Variants in SCFD2 observed in about 807,000 individuals in gnomAD.
SCFD2 encodes sec1 family domain-containing protein 2.
A neutral mutation model predicts 58.9 loss-of-function variants in SCFD2; 54 were observed. The observed-to-expected ratio is 0.92, with a 90% CI of 0.74 to 1.15. SCFD2 has a LOEUF of 1.15. SCFD2 is among the 50% of genes most tolerant of loss of function. SCFD2 has a pLI of 0.00. For synonymous variants in SCFD2, 321 were observed against 335.9 expected (o/e 0.96, Z 0.49); for missense variants, 805 against 836.6 (o/e 0.96, Z 0.47).
chr4:53,258,652 T>C (rs183581998), intron 4 of SCFD2, among the ~76,000 whole-genome samples: 4 of 150,858 alleles, frequency 2.7e-5, no homozygotes, highest in Admixed American at 2.6e-4. Context: ...GTTCCATACT[T>C]TCACAACTGC....
chr4:53,251,691 T>G (rs1481464289), intron 4 of SCFD2, among the ~76,000 whole-genome samples: 8 of 151,936 alleles, frequency 5.3e-5, no homozygotes, highest in South Asian at 2.1e-4. Flanking sequence ...CAACCCTTCA[T>G]GCTAAAAACT....
At chr4:53,047,629 T>C (rs937848844) in intron 5 of SCFD2, among the ~76,000 whole-genome samples, 1 of 152,200 alleles carries the variant, frequency 6.6e-6, no homozygotes, top group Non-Finnish European at 1.5e-5. Flanking sequence ...CTGACATGCA[T>C]GTTACACCGT....
chr4:53,147,564 A>G (rs959277783), intron 4 of SCFD2, among the ~76,000 whole-genome samples: 5 of 152,236 alleles, frequency 3.3e-5, no homozygotes, highest in African/African-American at 1.2e-4. Context: ...TTACTGTCAC[A>G]TGGTGACAAG....
intron 3 of SCFD2, among the ~76,000 whole-genome samples, chr4:53,313,152 C>T (rs2149110669): frequency 6.6e-6 from 1 of 152,208 alleles, no homozygotes; most frequent in East Asian, 1.9e-4. Context: ...AGAAATAACG[C>T]TGATGTGACT....
intron 6 of SCFD2, among the ~76,000 whole-genome samples, chr4:52,907,871 T>C (rs1204117636): frequency 6.6e-6 from 1 of 152,214 alleles, no homozygotes; most frequent in African/African-American, 2.4e-5. Context: ...ATAATCATAC[T>C]ATGACTAATT....
At chr4:52,925,675 G>A (rs991789723) in intron 5 of SCFD2, among the ~76,000 whole-genome samples, 1 of 152,128 alleles carries the variant, frequency 6.6e-6, no homozygotes, top group African/African-American at 2.4e-5. Context: ...CTTTTGTAAG[G>A]AAAGTTTAAG....
At chr4:52,984,628 C>T (rs1158003040) in intron 5 of SCFD2, among the ~76,000 whole-genome samples, 5 of 152,204 alleles carry the variant, frequency 3.3e-5, no homozygotes, top group African/African-American at 9.6e-5. Context: ...TGCCTGTTCA[C>T]CATGAATCCT....
chr4:53,216,992 T>G, intron 4 of SCFD2, among the ~76,000 whole-genome samples: 1 of 152,258 alleles, frequency 6.6e-6, no homozygotes, highest in Non-Finnish European at 1.5e-5. Context: ...CTAGTTTGAT[T>G]GCACTGTGGT....
chr4:53,054,990 A>G (rs1315475394), intron 5 of SCFD2, among the ~76,000 whole-genome samples: 3 of 152,072 alleles, frequency 2.0e-5, no homozygotes, highest in Non-Finnish European at 4.4e-5. Flanking sequence ...GATCGAGGGG[A>G]GAGAAGCAGC....
chr4:53,215,743 T>G (rs984932363), intron 4 of SCFD2, among the ~76,000 whole-genome samples: 23 of 152,116 alleles, frequency 1.5e-4, no homozygotes, highest in Non-Finnish European at 3.2e-4. Flanking sequence ...AGGGAATGCT[T>G]CCAGTTTTTG....
chr4:52,947,187 A>G (rs1392102384), intron 5 of SCFD2, among the ~76,000 whole-genome samples: 1 of 152,202 alleles, frequency 6.6e-6, no homozygotes, highest in East Asian at 1.9e-4. Flanking sequence ...CCATCAAGAA[A>G]AATATCTGTC....
chr4:53,243,163 C>T (rs114405595), intron 4 of SCFD2, among the ~76,000 whole-genome samples: 2,125 of 152,160 alleles, frequency 0.014, 47 homozygotes, highest in African/African-American at 0.048. Context: ...AAGATCATCC[C>T]CAAGACACAT....
intron 5 of SCFD2, chr4:52,958,043 C>A (rs541468900): frequency 5.3e-5 from 8 of 150,892 alleles, no homozygotes; most frequent in Non-Finnish European, 1.0e-4. Context: ...TCTCCAGGCA[C>A]TTCTTGGAAC....
intron 2 of SCFD2, among the ~76,000 whole-genome samples, chr4:53,320,931 A>G (rs1733005014): frequency 6.6e-6 from 1 of 152,232 alleles, no homozygotes; most frequent in Non-Finnish European, 1.5e-5. Flanking sequence ...ATACAATTTA[A>G]TTTGTTAAAA....
intron 3 of SCFD2, among the ~76,000 whole-genome samples, chr4:53,275,703 C>A (rs1446556883): frequency 1.3e-5 from 2 of 152,098 alleles, no homozygotes; most frequent in Middle Eastern, 3.2e-3. Flanking sequence ...GGTTGATGAA[C>A]CCTTATCCGT....
intron 3 of SCFD2, among the ~76,000 whole-genome samples, chr4:53,301,224 G>A (rs1029459307): frequency 1.3e-5 from 2 of 152,138 alleles, no homozygotes; most frequent in African/African-American, 4.8e-5. Flanking sequence ...AAGAAGAAAA[G>A]AGAGAAGAAT....
intron 2 of SCFD2, among the ~76,000 whole-genome samples, chr4:53,338,815 C>T (rs1429609423): frequency 3.3e-5 from 5 of 151,628 alleles, no homozygotes; most frequent in Non-Finnish European, 5.9e-5. Context: ...CTCCTGACCT[C>T]GTGATCCGCC....
intron 5 of SCFD2, among the ~76,000 whole-genome samples, chr4:53,016,114 A>T (rs1722208275): frequency 6.6e-6 from 1 of 152,246 alleles, no homozygotes; most frequent in Admixed American, 6.5e-5. Context: ...ACAAACAAGC[A>T]CATAAAATTA....
chr4:52,931,519 C>G (rs1022089785), intron 5 of SCFD2, among the ~76,000 whole-genome samples: 7 of 152,350 alleles, frequency 4.6e-5, no homozygotes, highest in African/African-American at 1.7e-4. Flanking sequence ...CCCACCACCC[C>G]CCTCCGCCTC....
Sources: gnomAD v4.1 joint callset for allele counts (sites outside exome capture counted in the v4.1 genomes callset) on GRCh38, gnomAD v4.1.1 for gene constraint, MANE v1.5 for transcripts, NCBI Gene and HGNC (gene_info 2026-07-23, HGNC 2026-07-21) for gene names.